The following ZNF143 variants were observed in gnomAD, a reference collection of about 807,000 sequenced individuals.
The protein encoded by ZNF143 is zinc finger protein 143.
A neutral mutation model predicts 74.1 loss-of-function variants in ZNF143; 49 were observed. The ratio of observed to expected loss-of-function variants is 0.66; its 90% CI spans 0.53 to 0.84. The LOEUF (loss-of-function observed/expected upper bound fraction) is 0.84. Among genes scored for constraint, ZNF143 ranks in the 40% least tolerant of loss-of-function variants. The probability of loss-of-function intolerance (pLI) is 0.00; values close to 1 mark genes in which losing one functional copy is unlikely to be tolerated. For missense variants in ZNF143, 637 were observed against 793.4 expected (o/e 0.80, Z 2.37); for synonymous variants, 304 against 282.8 (o/e 1.07, Z -0.75).
chr11:9,497,333 G>A (rs1184259239), intron 9 of ZNF143, among the ~76,000 whole-genome samples: 1 of 152,004 alleles, frequency 6.6e-6, no homozygotes, highest in Non-Finnish European at 1.5e-5. Context: ...GGGTTCAAGC[G>A]ATTCTCCTGT....
Position 9,495,692 on chromosome 11 carries a change from A to C in ZNF143, c.766-611A>C, listed in dbSNP as rs370864051. On this transcript the variant is annotated intron_variant, in intron 8 of 15. Coordinates refer to ENST00000396602, the MANE Select transcript of ZNF143 (RefSeq NM_003442.6). ...TCTATAAAATTGGATCCTAAGAGTT[A>C]TCTCCCTCTCAGAGTGGTTGTAAAA... Among the ~76,000 whole-genome samples, 72 of 152,326 alleles carry C rather than the reference A, an allele frequency of 4.7e-4. 1 individual carries two copies. The East Asian group carries it at 0.011, about 24-fold the overall frequency.
intron 7 of ZNF143, among the ~76,000 whole-genome samples, 180 bp downstream of exon 7, chr11:9,479,726 G>T (rs1287068483): frequency 1.3e-5 from 2 of 152,152 alleles, no homozygotes; most frequent in Non-Finnish European, 2.9e-5. Flanking sequence ...GTTCATTGGT[G>T]GATGCAAAAT....
At chr11:9,473,481 C>T (rs1002571603) in intron 3 of ZNF143, among the ~76,000 whole-genome samples, 4 of 152,048 alleles carry the variant, frequency 2.6e-5, no homozygotes, top group African/African-American at 4.8e-5. Flanking sequence ...GCCAAGTCCT[C>T]AAAAACTCTT....
At chr11:9,481,628 C>T (rs1346204608) in intron 7 of ZNF143, among the ~76,000 whole-genome samples, 2 of 151,952 alleles carry the variant, frequency 1.3e-5, no homozygotes, top group Non-Finnish European at 2.9e-5. Context: ...TGACTCACGC[C>T]TGTAATCCTA....
At chr11:9,482,116 G>A (rs987652036) in intron 7 of ZNF143, among the ~76,000 whole-genome samples, 4 of 145,948 alleles carry the variant, frequency 2.7e-5, no homozygotes, top group East Asian at 2.1e-4. Context: ...GACTACAGGC[G>A]CCCGCCACCA....
At chr11:9,491,564 G>A (rs1847777885) in intron 7 of ZNF143, among the ~76,000 whole-genome samples, 1 of 151,998 alleles carries the variant, frequency 6.6e-6, no homozygotes, top group Non-Finnish European at 1.5e-5. Context: ...GCATGAACTT[G>A]GGAGGCGGAG....
chr11:9,501,235 C>G lies in ZNF143; in HGVS notation c.1112C>G (p.Ala371Gly). 1 of 1,614,050 alleles carries G rather than the reference C, an allele frequency of 6.2e-7. No homozygotes were observed. Among genetic ancestry groups the G allele is most frequent in the Non-Finnish European group, 8.5e-7 (1 of 1,180,004 alleles). Residue 371 changes from alanine (A) to glycine (G), a missense_variant, in exon 11 of 16, where the codon GCA becomes GGA. This residue lies in a region of ZNF143 where 344 missense variants were observed against 485.6 expected (regional missense o/e 0.71). Transcript: ENST00000396602. ...EPGCGRAFASATNYKNHVRIH... is the reference protein window; with the variant it reads ...EPGCGRAFASGTNYKNHVRIH... ...GGATGTGGGAGGGCATTTGCCAGTG[C>G]AACAAATTATAAAAACCATGTGAGG...
chr11:9,486,363 T>TATATTTAATATATTATATATATAA (rs1491555379), intron 7 of ZNF143, among the ~76,000 whole-genome samples: 1 of 41,252 alleles, frequency 2.4e-5, no homozygotes, highest in Non-Finnish European at 4.4e-5. Context: ...TATATATATA[T>TATATTTAATATATTATATATATAA]TATATATAAT....
chr11:9,474,099 C>G, intron 4 of ZNF143, 75 bp downstream of exon 4: 1 of 1,165,808 alleles, frequency 8.6e-7, no homozygotes. Context: ...GCAGCTCCCT[C>G]TTACTACCTA....
chr11:9,461,404 C>T (rs1249565576), intron 1 of ZNF143, among the ~76,000 whole-genome samples: 3 of 152,162 alleles, frequency 2.0e-5, no homozygotes, highest in African/African-American at 4.8e-5. Flanking sequence ...GAGGGTGGAG[C>T]CCTCGGGAGC....
chr11:9,508,399 G>T (rs1045166271), intron 11 of ZNF143, among the ~76,000 whole-genome samples: 11 of 152,152 alleles, frequency 7.2e-5, no homozygotes, highest in African/African-American at 2.4e-4. Context: ...AGGAGAACCT[G>T]GTGTTGATGC....
At chr11:9,503,262 T>C (rs889933642) in intron 11 of ZNF143, among the ~76,000 whole-genome samples, 24 of 152,340 alleles carry the variant, frequency 1.6e-4, no homozygotes, top group South Asian at 4.1e-4. Flanking sequence ...CACTTCTGGC[T>C]ATTAAGAATA....
intron 7 of ZNF143, among the ~76,000 whole-genome samples, chr11:9,486,396 A>AATATATAAT (rs1554964417): frequency 8.4e-5 from 1 of 11,922 alleles, no homozygotes; most frequent in Admixed American, 2.0e-3. Context: ...TAATATATAT[A>AATATATAAT]ATATATTATA....
At chr11:9,488,915 G>A in intron 7 of ZNF143, among the ~76,000 whole-genome samples, 1 of 152,132 alleles carries the variant, frequency 6.6e-6, no homozygotes, top group Non-Finnish European at 1.5e-5. Context: ...ATTTATTTGG[G>A]AATTGAGAAG....
At chr11:9,466,637 C>G (rs1027906914) in intron 1 of ZNF143, among the ~76,000 whole-genome samples, 2 of 151,630 alleles carry the variant, frequency 1.3e-5, no homozygotes, top group Admixed American at 6.6e-5. Context: ...GACAGGGTTT[C>G]ACTGTGTTGC....
intron 5 of ZNF143, 114 bp from the exon 6 acceptor site, chr11:9,478,276 G>T: frequency 9.6e-7 from 1 of 1,040,630 alleles, no homozygotes; most frequent in Non-Finnish European, 1.4e-6. Context: ...CAAGTGCGTG[G>T]TCCAGTACTC....
intron 12 of ZNF143, 152 bp from the exon 13 acceptor site, chr11:9,512,296 A>C: frequency 1.1e-6 from 1 of 895,304 alleles, no homozygotes; most frequent in Non-Finnish European, 1.6e-6. Context: ...AGGTGGAGGA[A>C]TTGGAAGGAG....
chr11:9,518,517 A>G (rs1357383692), intron 14 of ZNF143, among the ~76,000 whole-genome samples: 2 of 152,254 alleles, frequency 1.3e-5, no homozygotes, highest in African/African-American at 2.4e-5. Context: ...ATTCAAGACC[A>G]GCGTGGCCAA....
At chr11:9,492,105 A>AAT (rs1847803536) in intron 7 of ZNF143, among the ~76,000 whole-genome samples, 1 of 100,240 alleles carries the variant, frequency 1.0e-5, no homozygotes, top group Admixed American at 1.2e-4. Flanking sequence ...CACCTGGCTA[A>AAT]TTTTTTTTTT....
Sources: allele counts gnomAD v4.1 joint callset (sites outside exome capture counted in the v4.1 genomes callset), GRCh38; gene constraint gnomAD v4.1.1; regional missense constraint gnomAD v4.1.1; transcripts MANE v1.5; gene names NCBI Gene and HGNC (gene_info 2026-07-23, HGNC 2026-07-21).